AK4: variants seen among roughly 807,000 people sequenced by gnomAD.
AK4 encodes adenylate kinase 4, mitochondrial.
Under a neutral mutation model 24.6 loss-of-function variants are expected in AK4, and 13 were observed. The ratio of observed to expected loss-of-function variants is 0.53; its 90% confidence interval spans 0.34 to 0.84. AK4 has a LOEUF of 0.84. AK4 is among the 40% of genes least tolerant of loss of function. AK4 has a pLI of 0.01. For missense variants in AK4, 192 were observed against 288.2 expected, an observed-to-expected ratio of 0.67 and a Z score of 2.42; for synonymous variants, 88 against 107.0, an observed-to-expected ratio of 0.82 and a Z score of 1.10.
chr1:65,190,784 A>G lies in AK4; in HGVS notation c.220A>G (p.Met74Val), dbSNP rs781183664. ...VPDHVITRLM[M>V]SELENRRGQH... is the part of the protein sequence containing the mutation. ...AGACCATGTGATCACACGCCTAATG[A>G]TGTCCGAGTTGGAGAACAGGCGTGG... The change falls in exon 2 of 5, where the codon ATG (methionine) becomes GTG (valine). Residue 74 changes from methionine to valine, a missense_variant. By Grantham distance (21) the Met-to-Val change is conservative. Coordinates refer to ENST00000327299, the MANE Select transcript of AK4 (RefSeq NM_013410.4). 6.2e-7 allele frequency: 1 copy of G among 1,614,154 alleles called. No individual in the cohort carries two copies. The highest frequency in any genetic ancestry group is 1.1e-5 in the South Asian group (1 of 91,064).
At chr1:65,205,026 G>A (rs1214770587) in intron 2 of AK4, among the ~76,000 whole-genome samples, 1 of 152,122 alleles carries the variant, frequency 6.6e-6, no homozygotes, top group African/African-American at 2.4e-5. Flanking sequence ...GTTTAACACA[G>A]CTTTTTCATT....
rs922069936 is a variant in AK4, at chr1:65,229,677, CTG to C, written c.*3502_*3503del. 6.6e-6 allele frequency: 1 copy of C among 152,148 alleles called. No individual in the cohort carries two copies. The highest frequency in any genetic ancestry group is 2.4e-5 in the African/African-American group (1 of 41,436). 9.4% of individuals were successfully genotyped at this position (152,148 alleles called of 1,614,324 possible). A position where few individuals can be genotyped will look rare whatever the true frequency, so the allele number is the denominator to read the frequency against. ...CCTCCTTTATGAATAGAATAAAAGA[CTG>C]TCAAAGTAGGCTGGGCTTGGGCCCA... On this transcript the variant is annotated 3_prime_UTR_variant, in exon 5 of 5. Transcript: ENST00000327299.
intron 2 of AK4, among the ~76,000 whole-genome samples, chr1:65,209,505 T>C (rs1042708037): frequency 6.6e-6 from 1 of 152,244 alleles, no homozygotes; most frequent in African/African-American, 2.4e-5. Context: ...AGTTGGTCAG[T>C]GATCCCTGCC....
At chr1:65,154,790 C>T (rs542804154) in intron 1 of AK4, 39 of 187,592 alleles carry the variant, frequency 2.1e-4, no homozygotes, top group Non-Finnish European at 3.9e-4. Flanking sequence ...GATATACTTT[C>T]TCTGGGATAG....
chr1:65,231,740 A>G lies in AK4; in HGVS notation c.*5563A>G, dbSNP rs1352337632. The stretch of plus-strand genomic sequence containing the variant: ...CTTAAAGGGCTTTTCTAGTTTTATG[A>G]GAATTTGTACTACTGATTTTTATAT... On this transcript the variant is annotated 3_prime_UTR_variant, in exon 5 of 5. Coordinates refer to ENST00000327299, the MANE Select transcript of AK4 (RefSeq NM_013410.4). 1 of 152,238 alleles carries G rather than the reference A, an allele frequency of 6.6e-6. No homozygotes were observed. The highest frequency in any genetic ancestry group is 1.9e-4 in the East Asian group (1 of 5,196). 9.4% of individuals were successfully genotyped at this position (152,238 alleles called of 1,614,324 possible). A position where few individuals can be genotyped will look rare whatever the true frequency, so the allele number is the denominator to read the frequency against.
At chr1:65,155,058 C>T (rs1224365054) in intron 1 of AK4, among the ~76,000 whole-genome samples, 1 of 149,638 alleles carries the variant, frequency 6.7e-6, no homozygotes, top group African/African-American at 2.4e-5. Context: ...ACCATGTTGG[C>T]CAGGCTGGTC....
rs1363756868 is a variant in AK4, at chr1:65,229,342, T to G, written c.*3165T>G. ...GGAGGCCAAAAGTTCAAGACCAGGCTGGGCAATATCACAAGACTCCATCTC... is the reference window on the plus strand; with the variant it reads ...GGAGGCCAAAAGTTCAAGACCAGGCGGGGCAATATCACAAGACTCCATCTC... On this transcript the variant is annotated 3_prime_UTR_variant, in exon 5 of 5. Coordinates refer to ENST00000327299, the MANE Select transcript of AK4 (RefSeq NM_013410.4). The G allele has an allele frequency of 6.6e-6, 1 of 152,246 alleles. No homozygotes were observed. Among genetic ancestry groups the G allele is most frequent in the Non-Finnish European group, 1.5e-5 (1 of 68,138 alleles). The allele number at this position is 152,246 out of a possible 1,614,324, so 9.4% of individuals were successfully genotyped here. A position where few individuals can be genotyped will look rare whatever the true frequency, so the allele number is the denominator to read the frequency against.
chr1:65,153,775 C>G (rs1425497660), intron 1 of AK4, among the ~76,000 whole-genome samples: 1 of 152,106 alleles, frequency 6.6e-6, no homozygotes, highest in African/African-American at 2.4e-5. Flanking sequence ...TGTCCTCATT[C>G]ATACCGTAAA....
rs769724703 is a variant in AK4 at position 65,224,747 on chromosome 1, T to G, written c.439-5T>G. On this transcript the variant is annotated splice_polypyrimidine_tract_variant and splice_region_variant and intron_variant, in intron 3 of 4. Coordinates refer to ENST00000327299, the MANE Select transcript of AK4 (RefSeq NM_013410.4). ...TATATTAATTGGTTTATTTGGTATT[T>G]GTAGGGTATTGATGACGTCACTGGT... 1.1e-4 allele frequency: 185 copies of G among 1,609,494 alleles called. No individual in the cohort carries two copies. The highest frequency in any genetic ancestry group is 1.5e-4 in the Non-Finnish European group (174 of 1,177,434).
rs1357430104 is a variant in AK4 at position 65,226,711 on chromosome 1, C to A, written c.*534C>A. 5 of 152,590 alleles carry A rather than the reference C, an allele frequency of 3.3e-5. No homozygotes were observed. The highest frequency in any genetic ancestry group is 1.2e-4 in the African/African-American group (5 of 41,384). The allele number at this position is 152,590 out of a possible 1,614,324, so 9.5% of individuals were successfully genotyped here. A position where few individuals can be genotyped will look rare whatever the true frequency, so the allele number is the denominator to read the frequency against. ...CTCTGGTCTTGAGTGACTGTGTCCACAGTTCATTTTTTTCCGGTAGGAATA... is the reference window on the plus strand; with the variant it reads ...CTCTGGTCTTGAGTGACTGTGTCCAAAGTTCATTTTTTTCCGGTAGGAATA... On this transcript the variant is annotated 3_prime_UTR_variant, in exon 5 of 5. Coordinates refer to ENST00000327299, the MANE Select transcript of AK4 (RefSeq NM_013410.4).
intron 4 of AK4, among the ~76,000 whole-genome samples, chr1:65,225,095 C>A (rs1175551828): frequency 6.6e-6 from 1 of 152,342 alleles, no homozygotes; most frequent in East Asian, 1.9e-4. Flanking sequence ...CAAACCTGAT[C>A]ATCTCTGTCT....
intron 1 of AK4, among the ~76,000 whole-genome samples, chr1:65,176,804 G>A (rs1237451872): frequency 6.6e-6 from 1 of 152,162 alleles, no homozygotes; most frequent in African/African-American, 2.4e-5. Flanking sequence ...AAAGAGCTGG[G>A]ACTCCTGATT....
intron 3 of AK4, among the ~76,000 whole-genome samples, chr1:65,221,730 T>C (rs1652299449): frequency 1.3e-5 from 2 of 152,250 alleles, no homozygotes; most frequent in Non-Finnish European, 2.9e-5. Flanking sequence ...CCAGACCTGC[T>C]GACGCAGAGA....
At chr1:65,215,975 C>T (rs1652117609) in intron 2 of AK4, among the ~76,000 whole-genome samples, 1 of 152,198 alleles carries the variant, frequency 6.6e-6, no homozygotes, top group Non-Finnish European at 1.5e-5. Flanking sequence ...GATGCTAGAA[C>T]ACAAGGCAGA....
chr1:65,156,511 T>G (rs982938791), intron 1 of AK4, among the ~76,000 whole-genome samples: 1 of 152,250 alleles, frequency 6.6e-6, no homozygotes, highest in Admixed American at 6.5e-5. Flanking sequence ...CATAGTTTAT[T>G]TAGCCTTTCT....
Position 65,179,315 on chromosome 1 carries a change from G to C in AK4, c.146-11395G>C, listed in dbSNP as rs77937001. Among the ~76,000 whole-genome samples the C allele has an allele frequency of 9.6e-3, 1,469 of 152,236 alleles. 25 individuals carry two copies. Among genetic ancestry groups the C allele is most frequent in the African/African-American group, 0.034 (1,413 of 41,536 alleles). ...TATGCTAACATGCAAAGTTGTTTCT[G>C]TTCAAGAAAATGCTCACAAACATTG... On this transcript the variant is annotated intron_variant, in intron 1 of 4. Coordinates refer to ENST00000327299, the MANE Select transcript of AK4 (RefSeq NM_013410.4).
At chr1:65,168,846 G>A (rs1245476524) in intron 1 of AK4, among the ~76,000 whole-genome samples, 1 of 152,098 alleles carries the variant, frequency 6.6e-6, no homozygotes, top group African/African-American at 2.4e-5. Flanking sequence ...TAAAATTAAT[G>A]GCAGGACAAA....
chr1:65,151,186 C>T (rs1324605787), intron 1 of AK4, among the ~76,000 whole-genome samples: 3 of 152,104 alleles, frequency 2.0e-5, no homozygotes, highest in Admixed American at 6.6e-5. Flanking sequence ...AGGCTGGTCG[C>T]GAACTCGGGA....
chr1:65,169,873 AGTT>A (rs1448705780), intron 1 of AK4, among the ~76,000 whole-genome samples: 2 of 151,082 alleles, frequency 1.3e-5, no homozygotes, highest in African/African-American at 4.9e-5. Context: ...CTTGGTCATT[AGTT>A]GTTCGGTTTT....
Sources: allele counts gnomAD v4.1 joint callset (sites outside exome capture counted in the v4.1 genomes callset), GRCh38; gene constraint gnomAD v4.1.1; transcripts MANE v1.5; gene names NCBI Gene and HGNC (gene_info 2026-07-23, HGNC 2026-07-21).